CUEDC1: variants seen among roughly 807,000 people sequenced by gnomAD.
CUEDC1 encodes the protein CUE domain containing 1.
CUEDC1 carries 30 observed loss-of-function variants against 43.7 expected under a neutral mutation model. The observed-to-expected ratio is 0.69, with a 90% CI of 0.51 to 0.93. CUEDC1 has a LOEUF of 0.93. Ranked by LOEUF, CUEDC1 falls within the 40% of genes least tolerant of loss-of-function variation. The pLI is 0.00. For missense variants in CUEDC1, 486 were observed against 549.0 expected, an observed-to-expected ratio of 0.89 and a Z score of 1.15; for synonymous variants, 223 against 223.6, an observed-to-expected ratio of 1.00 and a Z score of 0.02.
At chr17:57,911,178 T>C (rs2074579596) in intron 1 of CUEDC1, among the ~76,000 whole-genome samples, 1 of 152,148 alleles carries the variant, frequency 6.6e-6, no homozygotes, top group Admixed American at 6.5e-5. Flanking sequence ...ATTCCCTGGG[T>C]CTGGGGTGAG....
At chr17:57,896,484 T>TGGGG (rs370021887) in intron 1 of CUEDC1, among the ~76,000 whole-genome samples, 7,226 of 60,266 alleles carry the variant, frequency 0.12, 397 homozygotes, top group African/African-American at 0.19. Flanking sequence ...TAGTGCATTA[T>TGGGG]GGGGTGTGTG....
intron 1 of CUEDC1, among the ~76,000 whole-genome samples, chr17:57,944,289 C>T (rs931579417): frequency 1.3e-5 from 2 of 150,570 alleles, no homozygotes; most frequent in African/African-American, 4.9e-5. Flanking sequence ...CGGCTCACTG[C>T]AACCTCTGCC....
intron 1 of CUEDC1, among the ~76,000 whole-genome samples, chr17:57,887,655 C>CTTTTTTTTTTTTTTTTTTTT (rs3085786): frequency 1.4e-4 from 8 of 58,032 alleles, no homozygotes; most frequent in Admixed American, 2.7e-4. Context: ...CCACGCCTGG[C>CTTTTTTTTTTTTTTTTTTTT]TTTTTTTTTT....
At chr17:57,872,884 T>C in intron 4 of CUEDC1, 29 bp from the exon 5 acceptor site, 2 of 1,597,744 alleles carry the variant, frequency 1.3e-6, no homozygotes, top group Non-Finnish European at 1.7e-6. Context: ...ATGTTGAATG[T>C]GTACACACAA....
chr17:57,921,634 C>T (rs2074699398), intron 1 of CUEDC1, among the ~76,000 whole-genome samples: 1 of 152,212 alleles, frequency 6.6e-6, no homozygotes. Flanking sequence ...GGCTGGGGAG[C>T]TTCTGTCCCA....
chr17:57,948,188 G>C (rs1466605349), intron 1 of CUEDC1, among the ~76,000 whole-genome samples: 1 of 152,158 alleles, frequency 6.6e-6, no homozygotes, highest in Admixed American at 6.5e-5. Context: ...ACTCTTCTAG[G>C]TGCATCTAGG....
intron 1 of CUEDC1, among the ~76,000 whole-genome samples, chr17:57,931,004 G>T (rs188906890): frequency 9.5e-4 from 145 of 152,248 alleles, no homozygotes; most frequent in Admixed American, 2.3e-3. Context: ...TATTAAAGGA[G>T]CTGGCCGGGT....
At chr17:57,910,968 C>T (rs1440442788) in intron 1 of CUEDC1, among the ~76,000 whole-genome samples, 1 of 152,146 alleles carries the variant, frequency 6.6e-6, no homozygotes, top group African/African-American at 2.4e-5. Context: ...TGCCTTCAAG[C>T]TCCTCTTGCC....
chr17:57,862,843 A>T lies in CUEDC1; in HGVS notation c.*446T>A, dbSNP rs2073900850. The T allele has an allele frequency of 6.6e-6, 1 of 152,474 alleles. No homozygotes were observed. Among genetic ancestry groups the T allele is most frequent in the African/African-American group, 2.4e-5 (1 of 41,466 alleles). The allele number at this position is 152,474 out of a possible 1,614,324, so 9.4% of individuals were successfully genotyped here. On this transcript the variant is annotated 3_prime_UTR_variant, in exon 11 of 11. Transcript: ENST00000577830. The stretch of plus-strand genomic sequence containing the variant: ...GAGCTGAGGAAAGGGGGTCAGGCAG[A>T]GTCTGTGACAGGAGAGATAGAGAAC...
intron 3 of CUEDC1, among the ~76,000 whole-genome samples, chr17:57,874,214 G>A (rs552431838): frequency 1.4e-4 from 22 of 152,286 alleles, no homozygotes; most frequent in African/African-American, 5.3e-4. Flanking sequence ...TCCCTACAGA[G>A]GGTAAAGCAG....
chr17:57,876,817 G>A (rs557893676), intron 3 of CUEDC1, among the ~76,000 whole-genome samples: 22 of 152,352 alleles, frequency 1.4e-4, no homozygotes, highest in African/African-American at 4.6e-4. Flanking sequence ...AGCCAGTGTA[G>A]CTGGGGGACA....
intron 2 of CUEDC1, among the ~76,000 whole-genome samples, chr17:57,880,734 G>A (rs1391965446): frequency 2.6e-5 from 4 of 152,184 alleles, no homozygotes; most frequent in East Asian, 1.9e-4. Flanking sequence ...GGCCTCCCAA[G>A]TAGATGGAAT....
chr17:57,916,771 A>C (rs1286430462), intron 1 of CUEDC1, among the ~76,000 whole-genome samples: 1 of 152,342 alleles, frequency 6.6e-6, no homozygotes, highest in African/African-American at 2.4e-5. Flanking sequence ...ACGGAAATCC[A>C]CAGTGAGCAC....
intron 7 of CUEDC1, 76 bp from the exon 8 acceptor site, chr17:57,868,319 G>T: frequency 7.5e-7 from 1 of 1,335,634 alleles, no homozygotes; most frequent in Non-Finnish European, 1.1e-6. Flanking sequence ...GTGTGGGAAA[G>T]GCCAGGGGAG....
At position 57,885,830 on chromosome 17, in the gene CUEDC1, T is replaced by G. The variant is rs1254037568; in HGVS notation, c.-266A>C. 2.9e-6 allele frequency: 1 copy of G among 343,002 alleles called. No individual in the cohort carries two copies. The highest frequency in any genetic ancestry group is 5.1e-5 in the East Asian group (1 of 19,624). The allele number at this position is 343,002 out of a possible 1,614,324, so 21.2% of individuals were successfully genotyped here. A position where few individuals can be genotyped will look rare whatever the true frequency, so the allele number is the denominator to read the frequency against. ...GGCCGTGCTGGGGCTGGGCGGCCGG[T>G]CATCCACACCCCCGGTGCATCCTGG... On this transcript the variant is annotated 5_prime_UTR_variant, in exon 2 of 11. An upstream open reading frame in the 5' UTR loses its in-frame stop. Coordinates refer to ENST00000577830, the MANE Select transcript of CUEDC1 (RefSeq NM_001271875.2).
chr17:57,903,150 A>G (rs113665377), intron 1 of CUEDC1: 12,040 of 152,308 alleles, frequency 0.079, 538 homozygotes, highest in Admixed American at 0.12. Context: ...CAGCCAGGGA[A>G]CAGGGAGGTA....
At chr17:57,938,734 C>T (rs1242495968) in intron 1 of CUEDC1, among the ~76,000 whole-genome samples, 1 of 152,000 alleles carries the variant, frequency 6.6e-6, no homozygotes, top group Non-Finnish European at 1.5e-5. Flanking sequence ...GCTATCTCAG[C>T]TCAGCGCAAC....
At chr17:57,880,850 C>T (rs955953257) in intron 2 of CUEDC1, among the ~76,000 whole-genome samples, 9 of 111,196 alleles carry the variant, frequency 8.1e-5, no homozygotes, top group African/African-American at 2.7e-4. Flanking sequence ...ACCATAGGGG[C>T]GGCCCCTGAC....
intron 1 of CUEDC1, among the ~76,000 whole-genome samples, chr17:57,944,714 T>G (rs377392956): frequency 1.7e-4 from 26 of 152,318 alleles, no homozygotes; most frequent in African/African-American, 5.8e-4. Context: ...GGAACTCCAG[T>G]CATCAACTCC....
Sources: gnomAD v4.1 joint callset for allele counts (sites outside exome capture counted in the v4.1 genomes callset) on GRCh38, gnomAD v4.1.1 for gene constraint, MANE v1.5 for transcripts, NCBI Gene and HGNC (gene_info 2026-07-23, HGNC 2026-07-21) for gene names.